Variants in AGBL4 observed in about 807,000 individuals in gnomAD.
The protein encoded by AGBL4 is AGBL carboxypeptidase 4.
A neutral mutation model predicts 66.4 loss-of-function variants in AGBL4; 58 were observed. That is an observed-to-expected ratio of 0.87 (90% CI 0.71 to 1.09). The LOEUF (loss-of-function observed/expected upper bound fraction) is 1.09. Among genes scored for constraint, AGBL4 ranks in the 50% least tolerant of loss-of-function variants. AGBL4 has a pLI of 0.00. For missense variants in AGBL4, 579 were observed against 631.0 expected (o/e 0.92, Z 0.88); for synonymous variants, 234 against 222.9 (o/e 1.05, Z -0.44).
chr1:49,917,709 A>G (rs936155722), intron 1 of AGBL4, among the ~76,000 whole-genome samples: 18 of 152,144 alleles, frequency 1.2e-4, no homozygotes, highest in Admixed American at 5.9e-4. Flanking sequence ...CTCAGGAATT[A>G]AACTCAGCTC....
intron 6 of AGBL4, among the ~76,000 whole-genome samples, chr1:48,677,181 A>G (rs1220562634): frequency 1.3e-5 from 2 of 152,196 alleles, no homozygotes; most frequent in African/African-American, 2.4e-5. Context: ...ACATGCCTAC[A>G]TCAAGCAAAT....
At chr1:49,149,728 A>G (rs1030951520) in intron 4 of AGBL4, among the ~76,000 whole-genome samples, 1 of 152,208 alleles carries the variant, frequency 6.6e-6, no homozygotes, top group Non-Finnish European at 1.5e-5. Flanking sequence ...TAATGATGTA[A>G]CCAGTGTTAA....
At chr1:48,627,516 G>A (rs1645524138) in intron 9 of AGBL4, among the ~76,000 whole-genome samples, 1 of 150,834 alleles carries the variant, frequency 6.6e-6, no homozygotes, top group South Asian at 2.1e-4. Flanking sequence ...AAGTAAATGT[G>A]TTATAATTTA....
At chr1:48,999,314 A>G (rs994090014) in intron 5 of AGBL4, among the ~76,000 whole-genome samples, 1 of 152,194 alleles carries the variant, frequency 6.6e-6, no homozygotes, top group Admixed American at 6.5e-5. Context: ...TGCCATAATA[A>G]TCATCATCAT....
chr1:49,782,684 G>A (rs1278629649), intron 2 of AGBL4, among the ~76,000 whole-genome samples: 1 of 152,168 alleles, frequency 6.6e-6, no homozygotes, highest in Non-Finnish European at 1.5e-5. Context: ...GGCCAAGAGT[G>A]TGAAGTGAAT....
chr1:49,027,523 G>A (rs147162151), intron 5 of AGBL4, among the ~76,000 whole-genome samples: 1,564 of 152,142 alleles, frequency 0.01, 34 homozygotes, highest in African/African-American at 0.034. Flanking sequence ...ACCATGACCT[G>A]CTCAAATTCC....
At chr1:49,642,625 AC>A (rs1645805466) in intron 3 of AGBL4, among the ~76,000 whole-genome samples, 1 of 151,952 alleles carries the variant, frequency 6.6e-6, no homozygotes, top group Non-Finnish European at 1.5e-5. Flanking sequence ...AAAGGAACAA[AC>A]CTTCGTGCTC....
intron 1 of AGBL4, among the ~76,000 whole-genome samples, chr1:49,882,853 T>C (rs1404275773): frequency 6.6e-6 from 1 of 152,170 alleles, no homozygotes; most frequent in Admixed American, 6.5e-5. Flanking sequence ...TTAATAATGA[T>C]GCAAGAGCAC....
chr1:48,936,751 A>G (rs976234882), intron 5 of AGBL4, among the ~76,000 whole-genome samples: 1 of 152,126 alleles, frequency 6.6e-6, no homozygotes, highest in African/African-American at 2.4e-5. Context: ...TTTTTCCTTT[A>G]TTTATTTCAT....
At chr1:49,445,094 T>C (rs1646124057) in intron 3 of AGBL4, among the ~76,000 whole-genome samples, 1 of 152,090 alleles carries the variant, frequency 6.6e-6, no homozygotes. Context: ...GAAAAACTCT[T>C]CTTCATTTAT....
At chr1:49,569,378 G>C (rs34713721) in intron 3 of AGBL4, among the ~76,000 whole-genome samples, 7,375 of 152,110 alleles carry the variant, frequency 0.048, 562 homozygotes, top group African/African-American at 0.16. Context: ...TTACTGGATT[G>C]TTTGTGACTC....
intron 6 of AGBL4, among the ~76,000 whole-genome samples, chr1:48,780,976 A>C (rs1645278106): frequency 6.6e-6 from 1 of 152,174 alleles, no homozygotes; most frequent in Non-Finnish European, 1.5e-5. Flanking sequence ...TCCCCTTTTT[A>C]AGGGTTGATG....
intron 9 of AGBL4, among the ~76,000 whole-genome samples, chr1:48,598,810 A>G (rs6696631): frequency 0.061 from 9,315 of 152,024 alleles, 335 homozygotes; most frequent in African/African-American, 0.1. Context: ...TTAGTTCTTC[A>G]ATAATAAATC....
rs956099366 is a variant in AGBL4, at chr1:48,539,690, C to T, written c.1316G>A (p.Arg439Gln). Residue 439 changes from arginine (R) to glutamine (Q), a missense_variant, in exon 12 of 14, where the codon CGG becomes CAG. Physicochemically the swap from Arg to Gln is conservative, Grantham distance 43. Transcript: ENST00000371839. ...NVARTFLDYYRLNPVVEKVAI... is the reference protein window; with the variant it reads ...NVARTFLDYYQLNPVVEKVAI... ...CACCTTTTCAACCACGGGGTTCAGC[C>T]GATAATAGTCCAAAAAGGTTCTTGC... 3.0e-5 allele frequency: 47 copies of T among 1,543,848 alleles called. No homozygotes were observed. The highest frequency in any genetic ancestry group is 1.1e-4 in the African/African-American group (8 of 72,596).
At chr1:49,068,401 C>T (rs1230111479) in intron 4 of AGBL4, among the ~76,000 whole-genome samples, 1 of 140,966 alleles carries the variant, frequency 7.1e-6, no homozygotes, top group East Asian at 2.1e-4. Context: ...CCCCAACAGG[C>T]CCCAGTGTGT....
At chr1:49,189,557 G>C (rs1466834676) in intron 4 of AGBL4, among the ~76,000 whole-genome samples, 1 of 152,154 alleles carries the variant, frequency 6.6e-6, no homozygotes, top group Non-Finnish European at 1.5e-5. Context: ...TTATAAGTGA[G>C]AAAGCTGAGG....
chr1:48,591,086 A>ACCCCCCCCC (rs1644910461), intron 9 of AGBL4, 101 bp from the exon 10 acceptor site: 1 of 654,270 alleles, frequency 1.5e-6, no homozygotes, highest in African/African-American at 3.6e-5. Flanking sequence ...ACACACACCC[A>ACCCCCCCCC]CCCACCCCCC....
chr1:49,429,079 T>C (rs955186545), intron 3 of AGBL4, among the ~76,000 whole-genome samples: 1 of 152,218 alleles, frequency 6.6e-6, no homozygotes, highest in Non-Finnish European at 1.5e-5. Context: ...TTAGAATTCA[T>C]TCCAGTGAAA....
At chr1:48,599,552 C>CT (rs1220675040) in intron 9 of AGBL4, among the ~76,000 whole-genome samples, 117 of 152,266 alleles carry the variant, frequency 7.7e-4, no homozygotes, top group African/African-American at 2.7e-3. Flanking sequence ...TTAACTACAG[C>CT]TTAAGTAAGA....
Sources: allele counts gnomAD v4.1 joint callset (sites outside exome capture counted in the v4.1 genomes callset), GRCh38; gene constraint gnomAD v4.1.1; transcripts MANE v1.5; gene names NCBI Gene and HGNC (gene_info 2026-07-23, HGNC 2026-07-21).